CSTPP1: variants seen among roughly 807,000 people sequenced by gnomAD.
CSTPP1 encodes the protein UPF0705 protein C11orf49.
the CSTPP1 span, among the ~76,000 whole-genome samples, chr11:47,146,426 G>A: frequency 6.7e-6 from 1 of 149,964 alleles, no homozygotes; most frequent in African/African-American, 2.4e-5. Context: ...AAGGATCTCA[G>A]TAGAAAAATA....
At chr11:46,958,888 C>T in the CSTPP1 span, among the ~76,000 whole-genome samples, 11 of 152,312 alleles carry the variant, frequency 7.2e-5, no homozygotes, top group East Asian at 1.9e-4. Flanking sequence ...TTTTGTTCTG[C>T]GTGGGCCCTC....
At chr11:47,161,282 G>T in the CSTPP1 span, 598 of 1,606,878 alleles carry the variant, frequency 3.7e-4, 1 homozygote, top group Non-Finnish European at 4.4e-4. Flanking sequence ...CCACTTGTCT[G>T]TAACATCCCA....
the CSTPP1 span, among the ~76,000 whole-genome samples, chr11:47,099,299 GA>G: frequency 6.6e-6 from 1 of 152,136 alleles, no homozygotes; most frequent in South Asian, 2.1e-4. Context: ...CTTAAATCTG[GA>G]AGGGAAAATG....
the CSTPP1 span, among the ~76,000 whole-genome samples, chr11:47,078,201 G>A: frequency 1.3e-5 from 2 of 152,190 alleles, no homozygotes; most frequent in African/African-American, 4.8e-5. Context: ...AAAAACAGAG[G>A]ACTCAGTGAG....
chr11:47,068,856 G>A, the CSTPP1 span, among the ~76,000 whole-genome samples: 1 of 152,032 alleles, frequency 6.6e-6, no homozygotes, highest in Admixed American at 6.6e-5. Context: ...TGTAATCTCA[G>A]CTTTCATGCC....
the CSTPP1 span, among the ~76,000 whole-genome samples, chr11:47,028,688 T>C: frequency 6.6e-6 from 1 of 152,188 alleles, no homozygotes; most frequent in Non-Finnish European, 1.5e-5. Context: ...CTTATCAAGT[T>C]AGCATTGCCA....
At chr11:47,147,154 G>A in the CSTPP1 span, among the ~76,000 whole-genome samples, 1 of 152,178 alleles carries the variant, frequency 6.6e-6, no homozygotes, top group Non-Finnish European at 1.5e-5. Flanking sequence ...ATAGTAAGAC[G>A]TTATGGTCTG....
the CSTPP1 span, chr11:47,161,580 G>A: frequency 1.6e-5 from 26 of 1,614,032 alleles, no homozygotes; most frequent in Middle Eastern, 1.6e-4. Flanking sequence ...CATCATTCCC[G>A]AAAAGTGGAT....
chr11:47,044,969 A>G, the CSTPP1 span, among the ~76,000 whole-genome samples: 1 of 152,198 alleles, frequency 6.6e-6, no homozygotes, highest in African/African-American at 2.4e-5. Context: ...AGTCAGTTTA[A>G]AGTACTGAGC....
the CSTPP1 span, among the ~76,000 whole-genome samples, chr11:47,005,889 C>T: frequency 6.6e-6 from 1 of 152,182 alleles, no homozygotes; most frequent in East Asian, 1.9e-4. Context: ...ACTGCTACTA[C>T]TGTTGTTCAC....
the CSTPP1 span, among the ~76,000 whole-genome samples, chr11:46,990,544 G>T: frequency 6.6e-6 from 1 of 152,086 alleles, no homozygotes; most frequent in Non-Finnish European, 1.5e-5. Context: ...TTAGACCTTT[G>T]TTGGATGCAT....
chr11:46,994,797 A>C, the CSTPP1 span, among the ~76,000 whole-genome samples: 1 of 152,152 alleles, frequency 6.6e-6, no homozygotes, highest in Non-Finnish European at 1.5e-5. Context: ...TCATAAAATG[A>C]GTTAGGGAGG....
At chr11:47,002,056 G>A in the CSTPP1 span, among the ~76,000 whole-genome samples, 1 of 152,068 alleles carries the variant, frequency 6.6e-6, no homozygotes, top group Non-Finnish European at 1.5e-5. Context: ...TCTTCAAAAG[G>A]GGTAATGCTT....
At chr11:46,941,727 T>A in the CSTPP1 span, among the ~76,000 whole-genome samples, 1 of 152,260 alleles carries the variant, frequency 6.6e-6, no homozygotes, top group Non-Finnish European at 1.5e-5. Context: ...AATTTTTAAA[T>A]ACCTGTGATT....
At chr11:46,984,686 G>A in the CSTPP1 span, among the ~76,000 whole-genome samples, 1 of 151,618 alleles carries the variant, frequency 6.6e-6, no homozygotes, top group Non-Finnish European at 1.5e-5. Context: ...CCTGGAGCTA[G>A]GGAGGAGAAG....
At chr11:47,026,440 A>AT in the CSTPP1 span, among the ~76,000 whole-genome samples, 24 of 151,678 alleles carry the variant, frequency 1.6e-4, no homozygotes, top group South Asian at 6.3e-4. Context: ...AATTGTTGTT[A>AT]TTTTTTTTTA....
At chr11:46,944,351 T>C in the CSTPP1 span, among the ~76,000 whole-genome samples, 8 of 151,514 alleles carry the variant, frequency 5.3e-5, no homozygotes, top group Non-Finnish European at 7.4e-5. Context: ...GCTTGCCTCA[T>C]ACATGTAAGC....
At chr11:47,164,218 C>T in the CSTPP1 span, 114 of 1,613,836 alleles carry the variant, frequency 7.1e-5, no homozygotes, top group Admixed American at 7.8e-4. Flanking sequence ...TCGGTACCGA[C>T]GCCCTACCAT....
chr11:47,101,730 C>G, the CSTPP1 span, among the ~76,000 whole-genome samples: 13 of 152,262 alleles, frequency 8.5e-5, no homozygotes, highest in East Asian at 2.1e-3. Flanking sequence ...CTTAGAGACT[C>G]TATTAGCACC....
Sources: gnomAD v4.1 joint callset for allele counts (sites outside exome capture counted in the v4.1 genomes callset) on GRCh38, gnomAD v4.1.1 for gene constraint, MANE v1.5 for transcripts, NCBI Gene and HGNC (gene_info 2026-07-23, HGNC 2026-07-21) for gene names.